SLC22A9: variants seen among roughly 807,000 people sequenced by gnomAD.
SLC22A9 encodes the protein solute carrier family 22 member 9.
Under a neutral mutation model 50.1 loss-of-function variants are expected in SLC22A9, and 64 were observed. The observed-to-expected ratio is 1.28, with a 90% CI of 1.04 to 1.57. The LOEUF is 1.57. Among genes scored for constraint, SLC22A9 ranks in the 40% most tolerant of loss-of-function variants. The pLI is 0.00. For synonymous variants in SLC22A9, 261 were observed against 242.5 expected, an observed-to-expected ratio of 1.08 and a Z score of -0.71; for missense variants, 757 against 676.1, an observed-to-expected ratio of 1.12 and a Z score of -1.33.
At chr11:63,375,789 A>C (rs768148423) in intron 5 of SLC22A9, 21 bp downstream of exon 5, 1 of 1,609,302 alleles carries the variant, frequency 6.2e-7, no homozygotes, top group Non-Finnish European at 8.5e-7. Flanking sequence ...TGGGAGCTAG[A>C]TATGGGATGT....
At position 63,375,617 on chromosome 11, in the gene SLC22A9, C is replaced by T. The variant is rs766517568; in HGVS notation, c.831-28C>T. 14 of 1,600,996 alleles carry T rather than the reference C, an allele frequency of 8.7e-6. 1 individual carries two copies. In the Admixed American group the frequency reaches 2.4e-4, roughly 28 times the overall value. On this transcript the variant is annotated intron_variant, in intron 4 of 9. Coordinates refer to ENST00000279178, the MANE Select transcript of SLC22A9 (RefSeq NM_080866.3). ...TAAGAAATGAGGAAGTGAAAGTCGA[C>T]TGCCCCTCTGTTCTCTTCCTTGGTC...
chr11:63,391,693 T>A (rs943027810), intron 6 of SLC22A9, among the ~76,000 whole-genome samples: 27 of 152,166 alleles, frequency 1.8e-4, no homozygotes, highest in South Asian at 2.1e-4. Flanking sequence ...AGTCTGTATA[T>A]CTTTTTAAAT....
rs200097928 is a variant in SLC22A9 at position 63,406,711 on chromosome 11, G to A, written c.1288G>A (p.Glu430Lys). The A allele has an allele frequency of 1.9e-6, 3 of 1,613,148 alleles. No individual in the cohort carries two copies. The highest frequency in any genetic ancestry group is 2.2e-5 in the East Asian group (1 of 44,798). The change falls in exon 7 of 10, where the codon GAA becomes AAA. Residue 430 changes from glutamate to lysine, a missense_variant and splice_region_variant. Glu to Lys is a moderately conservative substitution (Grantham distance 56). Transcript: ENST00000279178. ...CLLAIIFVPQ[E>K]MQTLREVLAT... Reference sequence around the variant, plus strand: ...TCTGGCCATCATATTTGTGCCACAAGGTGAGAAAAGATCACAGGTGGAAGA... The same window carrying A: ...TCTGGCCATCATATTTGTGCCACAAAGTGAGAAAAGATCACAGGTGGAAGA...
chr11:63,380,141 C>G (rs2119896672), intron 5 of SLC22A9, among the ~76,000 whole-genome samples: 2 of 152,188 alleles, frequency 1.3e-5, no homozygotes, highest in Middle Eastern at 6.8e-3. Flanking sequence ...GATAAGATAC[C>G]ATCTCACACC....
In SLC22A9 at chr11:63,385,703, T is replaced by C. The variant is rs540564123; in HGVS notation, c.1073+3426T>C. ...TTAAGAAGCTTTTGGGATGAGTCAA[T>C]AGGGCTTTCTAGATATAAGATCATG... On this transcript the variant is annotated intron_variant, in intron 6 of 9. Coordinates refer to ENST00000279178, the MANE Select transcript of SLC22A9 (RefSeq NM_080866.3). Among the ~76,000 whole-genome samples, 529 of 152,234 alleles carry C rather than the reference T, an allele frequency of 3.5e-3. 5 individuals are homozygous for C. Among genetic ancestry groups the C allele is most frequent in the African/African-American group, 0.012 (502 of 41,564 alleles).
chr11:63,392,284 T>C (rs1363832426), intron 6 of SLC22A9, among the ~76,000 whole-genome samples: 2 of 152,112 alleles, frequency 1.3e-5, no homozygotes, highest in African/African-American at 4.8e-5. Flanking sequence ...TCTGTGTTTT[T>C]CTGTGTACTT....
intron 6 of SLC22A9, among the ~76,000 whole-genome samples, chr11:63,384,309 C>G (rs1001145193): frequency 6.6e-6 from 1 of 152,144 alleles, no homozygotes; most frequent in Non-Finnish European, 1.5e-5. Flanking sequence ...CAACCCCCAA[C>G]AGGTCCCAGT....
At position 63,408,848 on chromosome 11, in the gene SLC22A9, C is replaced by G. The variant is rs1436484759; in HGVS notation, c.1570C>G (p.Leu524Val). The G allele has an allele frequency of 1.9e-6, 3 of 1,613,844 alleles. No individual in the cohort carries two copies. The Admixed American group carries it at 5.0e-5, about 27-fold the overall frequency. ...CCTTCCTGAAACCAGGAACAAGCCTCTGTTTGACACCATCCAGGATGAGAA... is the reference window on the plus strand; with the variant it reads ...CCTTCCTGAAACCAGGAACAAGCCTGTGTTTGACACCATCCAGGATGAGAA... ...LLLPETRNKP[L>V]FDTIQDEKNE... Residue 524 changes from leucine (L) to valine (V), a missense_variant, in exon 9 of 10, where the codon CTG (leucine) becomes GTG (valine). By Grantham distance (32) the Leu-to-Val change is conservative. Coordinates refer to ENST00000279178, the MANE Select transcript of SLC22A9 (RefSeq NM_080866.3).
rs139254772 is a variant in SLC22A9, at chr11:63,408,191, T to A, written c.1368T>A (p.His456Gln). 1.5e-4 allele frequency: 244 copies of A among 1,613,600 alleles called. No individual in the cohort carries two copies. The highest frequency in any genetic ancestry group is 2.0e-4 in the Non-Finnish European group (237 of 1,179,746). The part of the protein sequence containing the change: ...SALANTLAFA[H>Q]GNEVIPTIIR... ...TTGCCAATACCCTTGCTTTTGCCCATGGAAATGAAGTAATTCCCACCATAA... is the reference window on the plus strand; with the variant it reads ...TTGCCAATACCCTTGCTTTTGCCCAAGGAAATGAAGTAATTCCCACCATAA... The change falls in exon 8 of 10, where the codon CAT (histidine) becomes CAA (glutamine). Residue 456 changes from histidine to glutamine, a missense_variant. By Grantham distance (24) the His-to-Gln change is conservative. Coordinates refer to ENST00000279178, the MANE Select transcript of SLC22A9 (RefSeq NM_080866.3).
In SLC22A9 at chr11:63,381,925, A is replaced by T. The variant is rs141536990; in HGVS notation, c.955-234A>T. Among the ~76,000 whole-genome samples, 340 of 152,258 alleles carry T rather than the reference A, an allele frequency of 2.2e-3. 11 individuals are homozygous for T. In the East Asian group the frequency reaches 0.055, roughly 25 times the overall value. On this transcript the variant is annotated intron_variant, in intron 5 of 9. Transcript: ENST00000279178. ...ATACCCTTTTCAATGCTCTGTAGCC[A>T]CTTGGATCTCTTGTCTAAAATATCC... is the stretch of plus-strand genomic sequence containing the variant.
intron 6 of SLC22A9, among the ~76,000 whole-genome samples, chr11:63,393,374 T>C (rs182741067): frequency 6.6e-6 from 1 of 152,300 alleles, no homozygotes; most frequent in East Asian, 1.9e-4. Context: ...TTATCAGTTC[T>C]AGGAACTTTC....
chr11:63,370,337 C>T lies in SLC22A9; in HGVS notation c.281C>T (p.Pro94Leu), dbSNP rs761061825. 1 of 1,614,016 alleles carries T rather than the reference C, an allele frequency of 6.2e-7. No homozygotes were observed. ...GAGAAGTGTCGTCGCTTTGTTCATC[C>T]TCAGTGGCAGCTCCTTCACCTGAAT... ...RPEKCRRFVH[P>L]QWQLLHLNGT... Residue 94 changes from proline to leucine, a missense_variant, in exon 1 of 10, where the codon CCT (proline) becomes CTT (leucine). Transcript: ENST00000279178.
At chr11:63,383,591 T>A (rs1375859271) in intron 6 of SLC22A9, among the ~76,000 whole-genome samples, 1 of 152,026 alleles carries the variant, frequency 6.6e-6, no homozygotes, top group African/African-American at 2.4e-5. Flanking sequence ...TCTTCAAATG[T>A]GCATACACCA....
At chr11:63,378,650 C>T (rs1407501033) in intron 5 of SLC22A9, among the ~76,000 whole-genome samples, 1 of 152,106 alleles carries the variant, frequency 6.6e-6, no homozygotes, top group African/African-American at 2.4e-5. Context: ...GCTCCTTGAT[C>T]TGGTAAACAA....
At chr11:63,402,514 T>C (rs1487075164) in intron 6 of SLC22A9, among the ~76,000 whole-genome samples, 1 of 152,118 alleles carries the variant, frequency 6.6e-6, no homozygotes. Context: ...TTCATTACTG[T>C]AGCCTTGTTG....
intron 2 of SLC22A9, among the ~76,000 whole-genome samples, chr11:63,372,738 T>G (rs1485412391): frequency 4.6e-5 from 7 of 152,172 alleles, no homozygotes; most frequent in Non-Finnish European, 1.0e-4. Flanking sequence ...TCATGTACTT[T>G]TTATTAATTT....
chr11:63,374,720 T>A (rs2014429757), intron 4 of SLC22A9, among the ~76,000 whole-genome samples: 3 of 152,164 alleles, frequency 2.0e-5, no homozygotes, highest in Non-Finnish European at 4.4e-5. Context: ...GTCTATGTTT[T>A]TATATATATC....
chr11:63,406,642 C>A lies in SLC22A9; in HGVS notation c.1219C>A (p.Arg407=). 4 of 1,613,770 alleles carry A rather than the reference C, an allele frequency of 2.5e-6. No individual in the cohort carries two copies. Among genetic ancestry groups the A allele is most frequent in the Non-Finnish European group, 3.4e-6 (4 of 1,179,830 alleles). The change falls in exon 7 of 10, where the codon CGA becomes AGA. Residue 407 remains arginine (R), a synonymous_variant. Transcript: ENST00000279178. ...TTGGGCACTGAAATACATGAACCGT[C>A]GAGCAAGCCAGATGCTTCTCATGTT... ...APWALKYMNR[R]ASQMLLMFLL...
At chr11:63,402,462 C>T (rs2014966851) in intron 6 of SLC22A9, among the ~76,000 whole-genome samples, 1 of 151,910 alleles carries the variant, frequency 6.6e-6, no homozygotes, top group Admixed American at 6.6e-5. Flanking sequence ...GACTGTGTTG[C>T]ATTGGTCTAT....
Sources: gnomAD v4.1 joint callset for allele counts (sites outside exome capture counted in the v4.1 genomes callset) on GRCh38, gnomAD v4.1.1 for gene constraint, MANE v1.5 for transcripts, NCBI Gene and HGNC (gene_info 2026-07-23, HGNC 2026-07-21) for gene names.